FAM13A: variants seen among roughly 807,000 people sequenced by gnomAD.
FAM13A encodes the protein protein FAM13A.
In FAM13A, 76 loss-of-function variants were observed where a neutral mutation model predicts 129.6. The ratio of observed to expected loss-of-function variants is 0.59; its 90% CI spans 0.49 to 0.71. FAM13A has a LOEUF of 0.71. Among genes scored for constraint, FAM13A ranks in the 30% least tolerant of loss-of-function variants. FAM13A has a pLI of 0.00. For missense variants in FAM13A, 1,108 were observed against 1,249.3 expected, an observed-to-expected ratio of 0.89 and a Z score of 1.70; for synonymous variants, 443 against 449.9, an observed-to-expected ratio of 0.98 and a Z score of 0.20.
chr4:88,940,461 C>A (rs1754562902), intron 4 of FAM13A, among the ~76,000 whole-genome samples: 1 of 152,148 alleles, frequency 6.6e-6, no homozygotes. Context: ...CACCTAGTTT[C>A]TTCTTACCAC....
intron 3 of FAM13A, among the ~76,000 whole-genome samples, chr4:89,009,522 T>A (rs1421957868): frequency 6.6e-6 from 1 of 152,216 alleles, no homozygotes; most frequent in African/African-American, 2.4e-5. Context: ...CAGGCTTTTA[T>A]TAATGTTATT....
chr4:88,856,889 C>CA (rs568172009), intron 6 of FAM13A, among the ~76,000 whole-genome samples: 12 of 151,444 alleles, frequency 7.9e-5, no homozygotes, highest in East Asian at 3.9e-4. Flanking sequence ...TCTGAATTTA[C>CA]AAAAAAAAGA....
At chr4:88,883,043 T>G (rs1258561612) in intron 6 of FAM13A, among the ~76,000 whole-genome samples, 1 of 152,082 alleles carries the variant, frequency 6.6e-6, no homozygotes, top group Admixed American at 6.6e-5. Flanking sequence ...AGAAATAAGA[T>G]AGACAGCAAT....
At chr4:88,814,321 T>G (rs1331403752) in intron 7 of FAM13A, among the ~76,000 whole-genome samples, 1 of 151,176 alleles carries the variant, frequency 6.6e-6, no homozygotes, top group Non-Finnish European at 1.5e-5. Context: ...ACACAGGGAG[T>G]GAATTTTGAG....
At chr4:89,013,009 G>A (rs932261095) in intron 3 of FAM13A, among the ~76,000 whole-genome samples, 1 of 152,168 alleles carries the variant, frequency 6.6e-6, no homozygotes, top group African/African-American at 2.4e-5. Flanking sequence ...ACATATTGAT[G>A]TATAGTAGAA....
chr4:88,783,331 G>C, intron 10 of FAM13A, among the ~76,000 whole-genome samples: 1 of 151,376 alleles, frequency 6.6e-6, no homozygotes, highest in East Asian at 1.9e-4. Flanking sequence ...ACAGAGTCTT[G>C]CTCTGTCGCC....
intron 5 of FAM13A, among the ~76,000 whole-genome samples, chr4:88,927,413 C>A (rs1287817449): frequency 6.7e-6 from 1 of 148,976 alleles, no homozygotes; most frequent in African/African-American, 2.5e-5. Context: ...ATTTGACTTA[C>A]TCTACTCCAA....
At chr4:88,971,570 G>A (rs1241080503) in intron 4 of FAM13A, among the ~76,000 whole-genome samples, 3 of 152,170 alleles carry the variant, frequency 2.0e-5, no homozygotes, top group African/African-American at 7.2e-5. Flanking sequence ...GCAGTGGCAT[G>A]ATCATGGCTC....
At chr4:88,788,587 G>A (rs1414551398) in intron 9 of FAM13A, among the ~76,000 whole-genome samples, 1 of 152,060 alleles carries the variant, frequency 6.6e-6, no homozygotes, top group Non-Finnish European at 1.5e-5. Flanking sequence ...GATTTACTTT[G>A]TTCAACATGA....
intron 7 of FAM13A, among the ~76,000 whole-genome samples, chr4:88,823,873 A>G (rs1252236064): frequency 6.6e-6 from 1 of 151,776 alleles, no homozygotes; most frequent in Non-Finnish European, 1.5e-5. Flanking sequence ...TTAAGGGATC[A>G]GAATCCACTC....
At chr4:89,043,518 C>T (rs890500267) in intron 1 of FAM13A, among the ~76,000 whole-genome samples, 5 of 152,118 alleles carry the variant, frequency 3.3e-5, no homozygotes, top group African/African-American at 1.2e-4. Flanking sequence ...TTGCTACTAA[C>T]CTGCAAAAAT....
At chr4:88,937,069 G>GT (rs1349355120) in intron 5 of FAM13A, 7 of 151,744 alleles carry the variant, frequency 4.6e-5, no homozygotes, top group African/African-American at 1.7e-4. Context: ...TTCAGCTACC[G>GT]TGTTATTTCT....
intron 4 of FAM13A, among the ~76,000 whole-genome samples, chr4:88,959,359 A>C (rs1485720432): frequency 6.6e-6 from 1 of 152,134 alleles, no homozygotes; most frequent in East Asian, 1.9e-4. Context: ...GAAGTGTTTG[A>C]TCATGGGGGA....
At chr4:88,924,011 T>G (rs2148732501) in intron 5 of FAM13A, among the ~76,000 whole-genome samples, 1 of 152,246 alleles carries the variant, frequency 6.6e-6, no homozygotes, top group South Asian at 2.1e-4. Context: ...GTGAAGGACC[T>G]CTTCAAAGAG....
intron 6 of FAM13A, 93 bp downstream of exon 6, chr4:88,906,286 T>A: frequency 1.1e-6 from 1 of 927,480 alleles, no homozygotes; most frequent in Non-Finnish European, 1.7e-6. Context: ...AGACTCTGTC[T>A]CAAAACAAAC....
chr4:89,009,910 A>C (rs1404876076), intron 3 of FAM13A, among the ~76,000 whole-genome samples: 1 of 152,162 alleles, frequency 6.6e-6, no homozygotes, highest in Non-Finnish European at 1.5e-5. Flanking sequence ...AGTAACTACA[A>C]AACAGTGTCA....
At chr4:88,922,631 A>C (rs1407375466) in intron 5 of FAM13A, among the ~76,000 whole-genome samples, 1 of 152,222 alleles carries the variant, frequency 6.6e-6, no homozygotes, top group Non-Finnish European at 1.5e-5. Context: ...CTAACATCAC[A>C]ATTAAAAGAA....
At chr4:88,816,306 C>T (rs7694958) in intron 7 of FAM13A, among the ~76,000 whole-genome samples, 76,315 of 151,946 alleles carry the variant, frequency 0.5, 19,409 homozygotes, top group East Asian at 0.65. Context: ...CTTTGCACTA[C>T]AGGAATGCTT....
intron 6 of FAM13A, among the ~76,000 whole-genome samples, chr4:88,874,508 A>G (rs1050283865): frequency 1.2e-4 from 15 of 125,930 alleles, no homozygotes; most frequent in African/African-American, 3.8e-4. Context: ...AGGCAAACAG[A>G]GAGCCAAATC....
Sources: gnomAD v4.1 joint callset for allele counts (sites outside exome capture counted in the v4.1 genomes callset) on GRCh38, gnomAD v4.1.1 for gene constraint, MANE v1.5 for transcripts, NCBI Gene and HGNC (gene_info 2026-07-23, HGNC 2026-07-21) for gene names.